Variants in GALNT13 observed in about 807,000 individuals in gnomAD.
GALNT13 encodes the protein UDP-GalNAc:polypeptide N-acetylgalactosaminyltransferase 13.
A neutral mutation model predicts 64.2 loss-of-function variants in GALNT13; 28 were observed. The ratio of observed to expected loss-of-function variants is 0.44; its 90% CI spans 0.32 to 0.60. The LOEUF is 0.60. Among genes scored for constraint, GALNT13 ranks in the 20% least tolerant of loss-of-function variants. The pLI is 0.05. For synonymous variants in GALNT13, 214 were observed against 224.6 expected (o/e 0.95, Z 0.42); for missense variants, 577 against 669.8 (o/e 0.86, Z 1.53).
At chr2:153,938,164 G>A (rs956237537) in intron 2 of GALNT13, among the ~76,000 whole-genome samples, 6 of 152,150 alleles carry the variant, frequency 3.9e-5, no homozygotes, top group African/African-American at 1.4e-4. Context: ...GAATATGTGA[G>A]GGTAGAGGGT....
the GALNT13 span, among the ~76,000 whole-genome samples, chr2:153,474,122 G>A: frequency 2.6e-5 from 4 of 151,314 alleles, no homozygotes; most frequent in African/African-American, 9.7e-5. Context: ...TCTTTTGTGA[G>A]AAAAACATCT....
chr2:153,460,060 T>A, the GALNT13 span, among the ~76,000 whole-genome samples: 1 of 152,128 alleles, frequency 6.6e-6, no homozygotes, highest in East Asian at 1.9e-4. Flanking sequence ...TTAGGTAAGA[T>A]ACATATAAGA....
the GALNT13 span, among the ~76,000 whole-genome samples, chr2:153,263,404 T>C: frequency 6.6e-6 from 1 of 152,124 alleles, no homozygotes; most frequent in African/African-American, 2.4e-5. Context: ...CAATTCCTGT[T>C]AAACTACCAT....
At chr2:153,438,705 G>A in the GALNT13 span, among the ~76,000 whole-genome samples, 2 of 152,110 alleles carry the variant, frequency 1.3e-5, no homozygotes, top group African/African-American at 2.4e-5. Flanking sequence ...CTCTGCATTG[G>A]TTATTCTAGT....
the GALNT13 span, among the ~76,000 whole-genome samples, chr2:153,549,484 G>C: frequency 6.6e-6 from 1 of 152,096 alleles, no homozygotes; most frequent in Non-Finnish European, 1.5e-5. Flanking sequence ...GACTTGCTTT[G>C]ACCCACAGAA....
rs1468204002 is a variant in GALNT13 at position 154,211,649 on chromosome 2, A to G, written c.312-30381A>G. Reference sequence around the variant, plus strand: ...ATCTCCAAAAAAAAAAAAAAAAAAAAAAAAAAGAAAAGAAAAGAAAAGAAA... The same window carrying G: ...ATCTCCAAAAAAAAAAAAAAAAAAAGAAAAAAGAAAAGAAAAGAAAAGAAA... On this transcript the variant is annotated intron_variant, in intron 4 of 12. Coordinates refer to ENST00000392825, the MANE Select transcript of GALNT13 (RefSeq NM_052917.4). Among the ~76,000 whole-genome samples the G allele has an allele frequency of 1.9e-4, 28 of 149,626 alleles. No individual in the cohort carries two copies. The South Asian group carries it at 3.8e-3, about 20-fold the overall frequency.
chr2:153,212,658 T>A, the GALNT13 span, among the ~76,000 whole-genome samples: 1 of 152,214 alleles, frequency 6.6e-6, no homozygotes, highest in Non-Finnish European at 1.5e-5. Flanking sequence ...AAAAATTGTA[T>A]GCTGTCTTTT....
chr2:153,652,847 A>G, the GALNT13 span, among the ~76,000 whole-genome samples: 2 of 152,208 alleles, frequency 1.3e-5, no homozygotes, highest in Non-Finnish European at 1.5e-5. Context: ...TAAATTATCA[A>G]AGAATTTATA....
the GALNT13 span, among the ~76,000 whole-genome samples, chr2:153,672,708 A>G: frequency 6.6e-6 from 1 of 152,154 alleles, no homozygotes; most frequent in South Asian, 2.1e-4. Flanking sequence ...AGATCAGAGC[A>G]GAACTGAAGT....
rs369609278 is a variant in GALNT13, at chr2:154,309,075, CTT to C, written c.1156+7489_1156+7490del. On this transcript the variant is annotated intron_variant, in intron 9 of 12. Transcript: ENST00000392825. The stretch of plus-strand genomic sequence containing the variant: ...TGTCAAGTAGGAGGGACTATGAACA[CTT>C]TTAAAATGTTGTCTTTGCCGTTAAA... Among the ~76,000 whole-genome samples the C allele has an allele frequency of 6.5e-3, 987 of 152,204 alleles. 5 individuals carry two copies. Among genetic ancestry groups the C allele is most frequent in the Middle Eastern group, 0.02 (6 of 294 alleles).
At chr2:153,092,785 A>T in the GALNT13 span, among the ~76,000 whole-genome samples, 2 of 152,302 alleles carry the variant, frequency 1.3e-5, no homozygotes, top group African/African-American at 2.4e-5. Flanking sequence ...CAAAACAAAG[A>T]TAATTTAACT....
At chr2:153,105,568 A>C in the GALNT13 span, among the ~76,000 whole-genome samples, 1 of 152,198 alleles carries the variant, frequency 6.6e-6, no homozygotes. Context: ...AATTAGGAAA[A>C]GAGGAAGTCA....
the GALNT13 span, among the ~76,000 whole-genome samples, chr2:153,696,245 G>T: frequency 2.0e-5 from 3 of 152,186 alleles, no homozygotes; most frequent in Non-Finnish European, 4.4e-5. Flanking sequence ...GGAGTCTGAT[G>T]TTGGAGGGCA....
intron 11 of GALNT13, chr2:154,437,684 G>A (rs1435555862): frequency 1.1e-5 from 5 of 456,992 alleles, no homozygotes; most frequent in African/African-American, 4.0e-5. Context: ...GTGAAACCCC[G>A]TCTCTACTAA....
the GALNT13 span, among the ~76,000 whole-genome samples, chr2:153,731,162 T>C: frequency 6.6e-6 from 1 of 151,412 alleles, no homozygotes; most frequent in South Asian, 2.1e-4. Context: ...ACATATGTGA[T>C]GTATTATATA....
chr2:153,684,771 ATTAG>A, the GALNT13 span, among the ~76,000 whole-genome samples: 1 of 151,648 alleles, frequency 6.6e-6, no homozygotes, highest in Non-Finnish European at 1.5e-5. Flanking sequence ...CCTAGTATCC[ATTAG>A]TTATTTTTCC....
the GALNT13 span, among the ~76,000 whole-genome samples, chr2:153,493,977 T>C: frequency 6.6e-6 from 1 of 151,934 alleles, no homozygotes; most frequent in Non-Finnish European, 1.5e-5. Flanking sequence ...GGCTCCACCA[T>C]CTGCTTTTTA....
At position 154,054,910 on chromosome 2, in the gene GALNT13, G is replaced by A. The variant is rs770581765; in HGVS notation, c.143-85427G>A. ...ATGGTCTTTAAATGTTCTGTATGAT[G>A]TCAGTGGGCCACACAACTTGTTCAG... On this transcript the variant is annotated intron_variant, in intron 3 of 12. Coordinates refer to ENST00000392825, the MANE Select transcript of GALNT13 (RefSeq NM_052917.4). 4.5e-4 allele frequency among the ~76,000 whole-genome samples: 69 copies of A among 152,078 alleles called. 1 individual carries two copies. The highest frequency in any genetic ancestry group is 1.8e-3 in the Admixed American group (28 of 15,284).
At chr2:153,396,405 AC>A in the GALNT13 span, among the ~76,000 whole-genome samples, 1 of 152,100 alleles carries the variant, frequency 6.6e-6, no homozygotes, top group East Asian at 1.9e-4. Flanking sequence ...ATGTATTTTC[AC>A]AAAAATTCTT....
Sources: gnomAD v4.1 joint callset for allele counts (sites outside exome capture counted in the v4.1 genomes callset) on GRCh38, gnomAD v4.1.1 for gene constraint, MANE v1.5 for transcripts, NCBI Gene and HGNC (gene_info 2026-07-23, HGNC 2026-07-21) for gene names.